The following DICER1 variants were observed in gnomAD, a reference collection of about 807,000 sequenced individuals.
The protein encoded by DICER1 is endoribonuclease Dicer.
In DICER1, 43 loss-of-function variants were observed where a neutral mutation model predicts 194.1. The observed-to-expected ratio is 0.22, with a 90% CI of 0.17 to 0.29. The LOEUF is 0.29. Ranked by LOEUF, DICER1 falls within the 10% of genes least tolerant of loss-of-function variation. DICER1 has a pLI of 1.00. For synonymous variants in DICER1, 832 were observed against 820.5 expected (o/e 1.01, Z -0.24); for missense variants, 1,608 against 2,317.0 (o/e 0.69, Z 6.28).
chr14:95,111,998 A>C (rs951162489), intron 13 of DICER1, among the ~76,000 whole-genome samples, 174 bp downstream of exon 13: 15 of 152,198 alleles, frequency 9.9e-5, no homozygotes, highest in African/African-American at 3.6e-4. Flanking sequence ...CTCCCACAAC[A>C]ATGTAGGATC....
At position 95,113,301 on chromosome 14, in the gene DICER1, G is replaced by A. The variant is rs57681406; in HGVS notation, c.1908-77C>T. On this transcript the variant is annotated intron_variant, in intron 11 of 26. Coordinates refer to ENST00000343455, the MANE Select transcript of DICER1 (RefSeq NM_177438.3). Reference sequence around the variant, plus strand: ...ATATTTATAACCTCGAGTTTGATTTGTCATGTGCCTCTTCCCCTCTACTGA... The same window carrying A: ...ATATTTATAACCTCGAGTTTGATTTATCATGTGCCTCTTCCCCTCTACTGA... 11,511 of 1,383,604 alleles carry A rather than the reference G, an allele frequency of 8.3e-3. 603 individuals are homozygous for A. In the African/African-American group the frequency reaches 0.12, roughly 14 times the overall value. 85.7% of individuals were successfully genotyped at this position (1,383,604 alleles called of 1,614,324 possible).
intron 24 of DICER1, among the ~76,000 whole-genome samples, chr14:95,093,384 A>C (rs574847481): frequency 6.6e-6 from 1 of 152,338 alleles, no homozygotes; most frequent in Admixed American, 6.5e-5. Flanking sequence ...CTTACAATAG[A>C]AGCCTCCCAA....
intron 1 of DICER1, among the ~76,000 whole-genome samples, chr14:95,138,205 T>C (rs1373112928): frequency 6.6e-6 from 1 of 152,066 alleles, no homozygotes; most frequent in East Asian, 1.9e-4. Context: ...CAGAGATTTT[T>C]TTTTTTTCTT....
intron 17 of DICER1, 48 bp downstream of exon 17, chr14:95,107,560 T>C: frequency 6.2e-7 from 1 of 1,606,524 alleles, no homozygotes; most frequent in Non-Finnish European, 8.5e-7. Flanking sequence ...TAGTGCATCT[T>C]TTAAAACAAA....
intron 1 of DICER1, among the ~76,000 whole-genome samples, chr14:95,139,287 C>A (rs1449414619): frequency 6.6e-6 from 1 of 152,196 alleles, no homozygotes; most frequent in Non-Finnish European, 1.5e-5. Context: ...TCTGTTCTCA[C>A]TAAAATATGA....
intron 7 of DICER1, among the ~76,000 whole-genome samples, chr14:95,125,561 G>A: frequency 1.2e-5 from 1 of 80,962 alleles, no homozygotes; most frequent in Non-Finnish European, 2.4e-5. Context: ...TCGGGGGAGG[G>A]AGAGGGGAAA....
intron 1 of DICER1, among the ~76,000 whole-genome samples, chr14:95,145,429 G>C (rs948007290): frequency 2.0e-5 from 3 of 152,162 alleles, no homozygotes; most frequent in Non-Finnish European, 4.4e-5. Context: ...ACTACTTACT[G>C]GCTGGACAGA....
intron 22 of DICER1, among the ~76,000 whole-genome samples, chr14:95,098,998 G>A (rs965913208): frequency 3.9e-5 from 6 of 152,270 alleles, no homozygotes; most frequent in African/African-American, 7.2e-5. Context: ...AGAAAAAAAC[G>A]GTATTATCAT....
rs1484014769 is a variant in DICER1, at chr14:95,096,618, T to C, written c.4302A>G (p.Glu1434=). The change falls in exon 23 of 27, where the codon GAA becomes GAG. Residue 1434 remains glutamate, a synonymous_variant. Transcript: ENST00000343455. ...EESLMWRAPK[E]EADYEDDFLE... ...GGAAATCATCTTCATAGTCAGCCTC[T>C]TCCTTCGGAGCCCTCCACATCAGGC... The C allele has an allele frequency of 6.2e-7, 1 of 1,611,974 alleles. No individual in the cohort carries two copies. Among genetic ancestry groups the C allele is most frequent in the Non-Finnish European group, 8.5e-7 (1 of 1,179,010 alleles).
At chr14:95,143,363 G>C (rs1241972326) in intron 1 of DICER1, among the ~76,000 whole-genome samples, 1 of 152,052 alleles carries the variant, frequency 6.6e-6, no homozygotes, top group Non-Finnish European at 1.5e-5. Context: ...AAGGGAAGAG[G>C]TCCCTTTCCC....
chr14:95,144,992 G>A (rs555633347), intron 1 of DICER1, among the ~76,000 whole-genome samples: 11 of 152,220 alleles, frequency 7.2e-5, no homozygotes, highest in East Asian at 5.8e-4. Context: ...TCCATACACC[G>A]TCTAATCACC....
rs767417866 is a variant in DICER1, at chr14:95,096,386, G to A, written c.4534C>T (p.Leu1512=). 4 of 1,614,214 alleles carry A rather than the reference G, an allele frequency of 2.5e-6. No individual in the cohort carries two copies. Among genetic ancestry groups the A allele is most frequent in the East Asian group, 2.2e-5 (1 of 44,892 alleles). ...TCTTCAACAGCTTTGCTAGGATCCA[G>A]ATAGCACATTGCATCCCAAGAGCTG... The part of the protein sequence containing the change: ...DYSSWDAMCY[L]DPSKAVEEDD... The change falls in exon 23 of 27, where the codon CTG becomes TTG. Residue 1512 remains leucine, a synonymous_variant. Transcript: ENST00000343455.
chr14:95,099,011 T>A (rs1389121819), intron 22 of DICER1, among the ~76,000 whole-genome samples: 1 of 152,252 alleles, frequency 6.6e-6, no homozygotes, highest in East Asian at 1.9e-4. Context: ...ATTATCATTG[T>A]TGGCCTGAGG....
intron 6 of DICER1, among the ~76,000 whole-genome samples, chr14:95,128,729 G>A (rs1386176576): frequency 6.6e-6 from 1 of 152,174 alleles, no homozygotes; most frequent in Non-Finnish European, 1.5e-5. Context: ...TCAAACCCAT[G>A]TCTGACTTAA....
Position 95,096,036 on chromosome 14 carries a change from A to T in DICER1, c.4884T>A (p.Ser1628Arg). ...AGTCTTTCAATACAGAAGAGCGTGA[A>T]CTGGCCACAGAAGCAGCAGCACAGC... ...SVSCAAASVA[S>R]SRSSVLKDSE... is the part of the protein sequence containing the mutation. Residue 1628 changes from serine to arginine, a missense_variant, in exon 23 of 27, where the codon AGT becomes AGA. Physicochemically the swap from Ser to Arg is moderately radical, Grantham distance 110. Around this residue, in one of 10 missense-constraint regions of DICER1, gnomAD observed 125 missense variants for 134.9 expected, o/e 0.93. Transcript: ENST00000343455. 1.2e-6 allele frequency: 2 copies of T among 1,614,212 alleles called. No individual in the cohort carries two copies. The highest frequency in any genetic ancestry group is 1.7e-6 in the Non-Finnish European group (2 of 1,180,028).
At chr14:95,090,690 T>G (rs533035021) in intron 26 of DICER1, 27 bp from the exon 27 acceptor site, 10 of 1,613,352 alleles carry the variant, frequency 6.2e-6, no homozygotes, top group Non-Finnish European at 8.5e-6. Context: ...CAGCTTGAAT[T>G]AGAAGTCAGA....
intron 1 of DICER1, among the ~76,000 whole-genome samples, chr14:95,149,903 C>A (rs1438359166): frequency 2.0e-5 from 3 of 152,298 alleles, no homozygotes; most frequent in Admixed American, 2.0e-4. Context: ...TCGATCTTGG[C>A]ACCCAAGTCC....
chr14:95,101,323 A>T (rs1281721889), intron 21 of DICER1, among the ~76,000 whole-genome samples: 1 of 152,106 alleles, frequency 6.6e-6, no homozygotes, highest in Non-Finnish European at 1.5e-5. Flanking sequence ...AAGGAGTAGA[A>T]GGTTTCTGAG....
intron 24 of DICER1, among the ~76,000 whole-genome samples, chr14:95,092,498 T>A (rs545162412): frequency 6.6e-6 from 1 of 152,230 alleles, no homozygotes; most frequent in Non-Finnish European, 1.5e-5. Context: ...TTTATACTGC[T>A]GATTACTTAA....
Sources: allele counts gnomAD v4.1 joint callset (sites outside exome capture counted in the v4.1 genomes callset), GRCh38; gene constraint gnomAD v4.1.1; regional missense constraint gnomAD v4.1.1; transcripts MANE v1.5; gene names NCBI Gene and HGNC (gene_info 2026-07-23, HGNC 2026-07-21).